Variants in MYBL2 observed in about 807,000 individuals in gnomAD.
MYBL2 encodes the protein myb-related protein B.
In MYBL2, 28 loss-of-function variants were observed where a neutral mutation model predicts 79.9. The observed-to-expected ratio is 0.35, with a 90% CI of 0.26 to 0.48. The LOEUF is 0.48. MYBL2 is among the 20% of genes least tolerant of loss of function. The pLI is 0.99. For missense variants in MYBL2, 735 were observed against 893.9 expected (o/e 0.82, Z 2.27); for synonymous variants, 378 against 361.2 (o/e 1.05, Z -0.53).
chr20:43,691,312 A>T (rs73116557), intron 5 of MYBL2, among the ~76,000 whole-genome samples: 3,417 of 150,972 alleles, frequency 0.023, 64 homozygotes, highest in Non-Finnish European at 0.028. Flanking sequence ...AAAATTTAAA[A>T]TTTTTTTTTT....
At chr20:43,693,369 G>A (rs1600554154) in intron 6 of MYBL2, among the ~76,000 whole-genome samples, 1 of 151,738 alleles carries the variant, frequency 6.6e-6, no homozygotes. Flanking sequence ...TTTTTGAGAT[G>A]GAGTCTCTGT....
At chr20:43,668,686 T>TTTG (rs1491312483) in intron 1 of MYBL2, among the ~76,000 whole-genome samples, 1 of 3,890 alleles carries the variant, frequency 2.6e-4, no homozygotes, top group African/African-American at 1.5e-3. Context: ...CCTGCCCTGG[T>TTTG]TTTTTTTTTT....
At chr20:43,701,421 G>A (rs964845302) in intron 7 of MYBL2, among the ~76,000 whole-genome samples, 1 of 152,174 alleles carries the variant, frequency 6.6e-6, no homozygotes, top group African/African-American at 2.4e-5. Flanking sequence ...TTAGTGTCTG[G>A]GTCCACTCAG....
At chr20:43,699,715 T>C (rs201456753) in intron 6 of MYBL2, 42 bp from the exon 7 acceptor site, 381 of 1,603,700 alleles carry the variant, frequency 2.4e-4, no homozygotes, top group Non-Finnish European at 3.0e-4. Flanking sequence ...ATATAGTCTA[T>C]ATCTCAGCGA....
chr20:43,716,163 G>A lies in MYBL2; in HGVS notation c.*76G>A. The A allele has an allele frequency of 1.3e-6, 2 of 1,584,746 alleles. No homozygotes were observed. Among genetic ancestry groups the A allele is most frequent in the Non-Finnish European group, 1.7e-6 (2 of 1,173,402 alleles). ...GCAGAGGGGGTCTGTGAATCTGAGA[G>A]TCATTCAGGTGACCTCCTGCAGGGA... On this transcript the variant is annotated 3_prime_UTR_variant, in exon 14 of 14. Transcript: ENST00000217026.
chr20:43,707,640 C>T (rs34112567), intron 9 of MYBL2, among the ~76,000 whole-genome samples: 21,449 of 152,152 alleles, frequency 0.14, 2,157 homozygotes, highest in African/African-American at 0.28. Flanking sequence ...TGGCCTGCCT[C>T]GGCCTCCCAA....
At chr20:43,683,454 G>T (rs1987189949) in intron 4 of MYBL2, among the ~76,000 whole-genome samples, 3 of 151,712 alleles carry the variant, frequency 2.0e-5, no homozygotes, top group South Asian at 4.2e-4. Flanking sequence ...TACCTTGGGA[G>T]TTCCCTCATC....
intron 3 of MYBL2, 72 bp from the exon 4 acceptor site, chr20:43,682,722 A>G: frequency 7.0e-7 from 1 of 1,433,850 alleles, no homozygotes; most frequent in Non-Finnish European, 9.8e-7. Flanking sequence ...TGAGCCTAGT[A>G]CTTAACCAGG....
intron 8 of MYBL2, among the ~76,000 whole-genome samples, chr20:43,704,235 C>T (rs540008525): frequency 7.0e-4 from 106 of 152,270 alleles, no homozygotes; most frequent in African/African-American, 1.9e-3. Context: ...AGACTGGTCT[C>T]GAACTCTTGA....
Position 43,716,178 on chromosome 20 carries a change from T to C in MYBL2, c.*91T>C, listed in dbSNP as rs1366516222. On this transcript the variant is annotated 3_prime_UTR_variant, in exon 14 of 14. Coordinates refer to ENST00000217026, the MANE Select transcript of MYBL2 (RefSeq NM_002466.4). ...GAATCTGAGAGTCATTCAGGTGACC[T>C]CCTGCAGGGAGCCTTCTGCCACCAG... 5.1e-6 allele frequency: 8 copies of C among 1,570,554 alleles called. No homozygotes were observed. Among genetic ancestry groups the C allele is most frequent in the Middle Eastern group, 1.8e-4 (1 of 5,546 alleles).
chr20:43,671,202 G>A (rs568433902), intron 1 of MYBL2, among the ~76,000 whole-genome samples: 1 of 151,966 alleles, frequency 6.6e-6, no homozygotes, highest in East Asian at 1.9e-4. Flanking sequence ...AGGCTGGAGT[G>A]CAGTGGCACA....
At chr20:43,676,620 T>A (rs1987015936) in intron 2 of MYBL2, among the ~76,000 whole-genome samples, 1 of 152,230 alleles carries the variant, frequency 6.6e-6, no homozygotes, top group Non-Finnish European at 1.5e-5. Flanking sequence ...TAGCGCTACC[T>A]TGAAGATTCT....
intron 9 of MYBL2, among the ~76,000 whole-genome samples, chr20:43,708,210 C>T (rs1368277661): frequency 6.6e-6 from 1 of 152,070 alleles, no homozygotes; most frequent in East Asian, 1.9e-4. Context: ...AGTGATCCTC[C>T]CACCTCAGCC....
Position 43,699,902 on chromosome 20 carries a change from T to C in MYBL2, c.809T>C (p.Leu270Ser). ...DLDAVRTPEP[L>S]EEFPKREDQE... ...GACGCAGTGCGAACACCAGAGCCCT[T>C]GGAGGAATTCCCGAAGCGTGAGGAC... Residue 270 changes from leucine (L) to serine (S), a missense_variant, in exon 7 of 14, where the codon TTG becomes TCG. Leu to Ser is a moderately radical substitution (Grantham distance 145). Transcript: ENST00000217026. 6.2e-7 allele frequency: 1 copy of C among 1,614,070 alleles called. No individual in the cohort carries two copies. The highest frequency in any genetic ancestry group is 2.2e-5 in the East Asian group (1 of 44,874).
At chr20:43,704,876 A>G (rs1001465217) in intron 8 of MYBL2, among the ~76,000 whole-genome samples, 1 of 152,188 alleles carries the variant, frequency 6.6e-6, no homozygotes, top group Non-Finnish European at 1.5e-5. Flanking sequence ...TTGCCTTCAC[A>G]GGTCAGTTCA....
intron 12 of MYBL2, among the ~76,000 whole-genome samples, chr20:43,714,337 A>G (rs1365704896): frequency 6.6e-6 from 1 of 152,232 alleles, no homozygotes; most frequent in Non-Finnish European, 1.5e-5. Flanking sequence ...TTCTGGTCCC[A>G]GGAAAACTAG....
intron 9 of MYBL2, among the ~76,000 whole-genome samples, chr20:43,707,496 A>G (rs1182181635): frequency 6.6e-6 from 1 of 152,114 alleles, no homozygotes; most frequent in African/African-American, 2.4e-5. Context: ...TCTGAAGGCC[A>G]TCCTTTAACC....
chr20:43,716,335 A>T lies in MYBL2; in HGVS notation c.*248A>T. 2 of 534,064 alleles carry T rather than the reference A, an allele frequency of 3.7e-6. No homozygotes were observed. Among genetic ancestry groups the T allele is most frequent in the South Asian group, 5.1e-5 (2 of 39,406 alleles). 33.1% of individuals were successfully genotyped at this position (534,064 alleles called of 1,614,324 possible). The stretch of plus-strand genomic sequence containing the variant: ...TCTGCCTGGTTCCCTCCCCAAGGCC[A>T]CAGGGAGCTCCGTCAGCTTCTCCCA... On this transcript the variant is annotated 3_prime_UTR_variant, in exon 14 of 14. Transcript: ENST00000217026.
At chr20:43,677,699 C>T (rs1218327622) in intron 2 of MYBL2, among the ~76,000 whole-genome samples, 2 of 151,348 alleles carry the variant, frequency 1.3e-5, no homozygotes, top group Non-Finnish European at 3.0e-5. Context: ...CAGCCCCCTG[C>T]CTGGCCAGCC....
Sources: allele counts gnomAD v4.1 joint callset (sites outside exome capture counted in the v4.1 genomes callset), GRCh38; gene constraint gnomAD v4.1.1; transcripts MANE v1.5; gene names NCBI Gene and HGNC (gene_info 2026-07-23, HGNC 2026-07-21).